The following CADPS2 variants were observed in gnomAD, a reference collection of about 807,000 sequenced individuals.
CADPS2 encodes calcium dependent secretion activator 2, also known as calcium-dependent secretion activator 2.
A neutral mutation model predicts 172.5 loss-of-function variants in CADPS2; 93 were observed. The ratio of observed to expected loss-of-function variants is 0.54; its 90% CI spans 0.46 to 0.64. The LOEUF (loss-of-function observed/expected upper bound fraction) is 0.64. CADPS2 is among the 30% of genes least tolerant of loss of function. CADPS2 has a pLI of 0.00. For missense variants in CADPS2, 1,420 were observed against 1,565.9 expected, an observed-to-expected ratio of 0.91 and a Z score of 1.57; for synonymous variants, 546 against 555.2, an observed-to-expected ratio of 0.98 and a Z score of 0.23.
intron 20 of CADPS2, among the ~76,000 whole-genome samples, chr7:122,396,716 A>G (rs2045186487): frequency 6.6e-6 from 1 of 152,104 alleles, no homozygotes; most frequent in Non-Finnish European, 1.5e-5. Flanking sequence ...CCCTTGCCCA[A>G]TTACTGGCTT....
intron 2 of CADPS2, among the ~76,000 whole-genome samples, chr7:122,735,944 T>A (rs1188851778): frequency 1.3e-5 from 2 of 152,172 alleles, no homozygotes; most frequent in Admixed American, 6.6e-5. Context: ...GTCCTATAGA[T>A]GTTAAAATTT....
intron 1 of CADPS2, chr7:122,849,917 G>C: frequency 1.8e-6 from 1 of 562,758 alleles, no homozygotes; most frequent in Non-Finnish European, 3.3e-6. Flanking sequence ...CATGGCATCA[G>C]CTCTGGCCCA....
At chr7:122,513,705 G>C (rs1003285214) in intron 8 of CADPS2, among the ~76,000 whole-genome samples, 6 of 152,206 alleles carry the variant, frequency 3.9e-5, no homozygotes, top group Non-Finnish European at 5.9e-5. Context: ...AGTGCGCCCT[G>C]AGGAGCAGCC....
intron 24 of CADPS2, among the ~76,000 whole-genome samples, chr7:122,384,694 G>A (rs2043414216): frequency 6.6e-6 from 1 of 152,094 alleles, no homozygotes; most frequent in African/African-American, 2.4e-5. Flanking sequence ...TTGTGTGAAA[G>A]TTGTGGGGAA....
chr7:122,567,938 C>A (rs2066680481), intron 7 of CADPS2, among the ~76,000 whole-genome samples: 1 of 151,972 alleles, frequency 6.6e-6, no homozygotes, highest in African/African-American at 2.4e-5. Flanking sequence ...TTAACCATAT[C>A]AATATTCATA....
chr7:122,738,613 A>T (rs1203980115), intron 1 of CADPS2, among the ~76,000 whole-genome samples: 1 of 152,160 alleles, frequency 6.6e-6, no homozygotes, highest in East Asian at 1.9e-4. Context: ...TGATTAAAGG[A>T]TTAGGAAGAC....
intron 1 of CADPS2, among the ~76,000 whole-genome samples, chr7:122,759,699 A>G (rs2093309434): frequency 6.6e-6 from 1 of 152,212 alleles, no homozygotes; most frequent in African/African-American, 2.4e-5. Flanking sequence ...ATGAGACTGC[A>G]GGAATCCAAA....
chr7:122,681,086 A>G (rs1019467679), intron 2 of CADPS2, among the ~76,000 whole-genome samples: 5 of 141,392 alleles, frequency 3.5e-5, no homozygotes, highest in African/African-American at 1.3e-4. Context: ...CAATGAGACC[A>G]CATGGACACA....
In CADPS2 at chr7:122,840,195, C is replaced by T. The variant is rs1215809033; in HGVS notation, c.339+45804G>A. Among the ~76,000 whole-genome samples the T allele has an allele frequency of 3.3e-5, 5 of 152,126 alleles. No homozygotes were observed. In the East Asian group the frequency reaches 5.8e-4, roughly 18 times the overall value. On this transcript the variant is annotated intron_variant, in intron 1 of 29. Transcript: ENST00000449022. ...ATCACAAGGACAGAAAACCAAATAC[C>T]GCATGTTCTCACTCATAGGTGGGAA... is the stretch of plus-strand genomic sequence containing the variant.
At chr7:122,379,245 AT>A (rs2042712857) in intron 25 of CADPS2, 122 bp downstream of exon 25, 2 of 577,660 alleles carry the variant, frequency 3.5e-6, no homozygotes, top group African/African-American at 1.9e-5. Flanking sequence ...GAAAATTCTA[AT>A]TTTTTCCTGC....
intron 11 of CADPS2, among the ~76,000 whole-genome samples, chr7:122,483,539 T>C (rs2057506736): frequency 6.6e-6 from 1 of 152,138 alleles, no homozygotes; most frequent in South Asian, 2.1e-4. Context: ...GTAATGTACA[T>C]GTACATAACA....
chr7:122,728,669 A>G (rs2091341977), intron 2 of CADPS2, among the ~76,000 whole-genome samples: 1 of 151,812 alleles, frequency 6.6e-6, no homozygotes, highest in Non-Finnish European at 1.5e-5. Flanking sequence ...GGAAGAAATT[A>G]ACATTCAGAC....
chr7:122,611,821 T>C (rs1332060752), intron 6 of CADPS2, among the ~76,000 whole-genome samples: 1 of 151,968 alleles, frequency 6.6e-6, no homozygotes, highest in Non-Finnish European at 1.5e-5. Flanking sequence ...AACAAAGCAC[T>C]AGAAAACCAA....
rs771197907 is a variant in CADPS2, at chr7:122,820,855, G to A, written c.339+65144C>T. On this transcript the variant is annotated intron_variant, in intron 1 of 29. Transcript: ENST00000449022. Reference sequence around the variant, plus strand: ...ATTACAGGCGTGAGCCACCGCGCCCGGCCGACCTTACTGTTTTAGCCTAGC... The same window carrying A: ...ATTACAGGCGTGAGCCACCGCGCCCAGCCGACCTTACTGTTTTAGCCTAGC... Among the ~76,000 whole-genome samples, 20 of 120,722 alleles carry A rather than the reference G, an allele frequency of 1.7e-4. 2 individuals carry two copies. The highest frequency in any genetic ancestry group is 8.0e-4 in the South Asian group (3 of 3,740). 79.2% of individuals were successfully genotyped at this position (120,722 alleles called of 152,430 possible).
intron 1 of CADPS2, among the ~76,000 whole-genome samples, chr7:122,757,614 A>G (rs1037173229): frequency 2.6e-5 from 4 of 152,020 alleles, no homozygotes; most frequent in African/African-American, 7.2e-5. Context: ...TGTCCTAAAA[A>G]ATAGGCCCAA....
chr7:122,449,490 G>A (rs1461328806), intron 15 of CADPS2, among the ~76,000 whole-genome samples: 2 of 151,822 alleles, frequency 1.3e-5, no homozygotes, highest in Non-Finnish European at 1.5e-5. Flanking sequence ...TAATTTTTTA[G>A]TTTTTCTTTT....
intron 1 of CADPS2, among the ~76,000 whole-genome samples, chr7:122,758,775 T>C (rs1005696246): frequency 2.0e-5 from 3 of 152,122 alleles, no homozygotes; most frequent in Admixed American, 1.3e-4. Flanking sequence ...CAATTATTTT[T>C]CTACCATGAA....
chr7:122,842,997 A>C (rs1025858915), intron 1 of CADPS2, among the ~76,000 whole-genome samples: 3 of 152,232 alleles, frequency 2.0e-5, no homozygotes, highest in Non-Finnish European at 4.4e-5. Flanking sequence ...GCAGAAATCA[A>C]AACAAACTAT....
intron 9 of CADPS2, among the ~76,000 whole-genome samples, chr7:122,512,736 ATATG>A (rs1437216967): frequency 1.3e-5 from 2 of 151,830 alleles, no homozygotes; most frequent in Non-Finnish European, 2.9e-5. Flanking sequence ...ATCAGTGATT[ATATG>A]TATTATGCTT....
Sources: gnomAD v4.1 joint callset for allele counts (sites outside exome capture counted in the v4.1 genomes callset) on GRCh38, gnomAD v4.1.1 for gene constraint, MANE v1.5 for transcripts, NCBI Gene and HGNC (gene_info 2026-07-23, HGNC 2026-07-21) for gene names.